IQCM: variants seen among roughly 807,000 people sequenced by gnomAD.
IQCM encodes IQ domain-containing protein M.
Under a neutral mutation model 57.6 loss-of-function variants are expected in IQCM, and 45 were observed. The ratio of observed to expected loss-of-function variants is 0.78; its 90% CI spans 0.62 to 1.00. The LOEUF (loss-of-function observed/expected upper bound fraction) is 1.00, where lower values mean the gene tolerates loss of function less well. IQCM is among the 50% of genes least tolerant of loss of function. The pLI, the probability that IQCM is intolerant of heterozygous loss-of-function variation, is 0.00. For synonymous variants in IQCM, 148 were observed against 158.9 expected, an observed-to-expected ratio of 0.93 and a Z score of 0.51; for missense variants, 468 against 511.6, an observed-to-expected ratio of 0.91 and a Z score of 0.82.
intron 12 of IQCM, among the ~76,000 whole-genome samples, chr4:149,480,074 T>C (rs1740614506): frequency 6.6e-6 from 1 of 152,212 alleles, no homozygotes; most frequent in Non-Finnish European, 1.5e-5. Flanking sequence ...TGTAAAATGT[T>C]TTCTCTTCAA....
chr4:149,681,012 T>C (rs993874158), intron 7 of IQCM, among the ~76,000 whole-genome samples: 1 of 151,236 alleles, frequency 6.6e-6, no homozygotes, highest in African/African-American at 2.4e-5. Flanking sequence ...AACTGACCCA[T>C]GTGAGGTGAA....
intron 13 of IQCM, among the ~76,000 whole-genome samples, chr4:149,406,876 G>A (rs953281687): frequency 2.4e-4 from 36 of 152,226 alleles, no homozygotes; most frequent in African/African-American, 8.7e-4. Flanking sequence ...AGAAAAACAG[G>A]TTTAATGGAC....
intron 2 of IQCM, among the ~76,000 whole-genome samples, chr4:149,779,441 C>T (rs1771398427): frequency 6.6e-6 from 1 of 152,054 alleles, no homozygotes; most frequent in Non-Finnish European, 1.5e-5. Flanking sequence ...CAGAGTAGAG[C>T]ACCCAGAAAT....
chr4:149,800,459 A>T (rs1442420283), intron 2 of IQCM, among the ~76,000 whole-genome samples: 1 of 151,966 alleles, frequency 6.6e-6, no homozygotes, highest in Non-Finnish European at 1.5e-5. Context: ...TACTTTCACC[A>T]CTGTTATTCA....
At chr4:149,383,001 A>G (rs1206068540) in intron 13 of IQCM, among the ~76,000 whole-genome samples, 1 of 151,870 alleles carries the variant, frequency 6.6e-6, no homozygotes, top group Non-Finnish European at 1.5e-5. Flanking sequence ...GCAAAAAAAA[A>G]AAAAAAAGAA....
chr4:149,627,298 C>A (rs1239569342), intron 7 of IQCM, among the ~76,000 whole-genome samples: 3 of 152,154 alleles, frequency 2.0e-5, no homozygotes, highest in African/African-American at 7.2e-5. Flanking sequence ...GGGAATTAGG[C>A]AGAGAACCAG....
chr4:149,519,865 C>T (rs1426350568), intron 12 of IQCM, among the ~76,000 whole-genome samples: 2 of 151,708 alleles, frequency 1.3e-5, no homozygotes, highest in Admixed American at 6.6e-5. Flanking sequence ...AATAGCTGGG[C>T]GTGGTGGCGG....
intron 12 of IQCM, among the ~76,000 whole-genome samples, chr4:149,501,029 A>C (rs930192537): frequency 6.6e-6 from 1 of 152,202 alleles, no homozygotes; most frequent in Admixed American, 6.5e-5. Flanking sequence ...TTGGAAGACA[A>C]AAATCTCTTT....
At chr4:149,466,274 A>G (rs1579152804) in intron 12 of IQCM, among the ~76,000 whole-genome samples, 1 of 152,180 alleles carries the variant, frequency 6.6e-6, no homozygotes, top group East Asian at 1.9e-4. Flanking sequence ...ATAGAACCCA[A>G]GAGACTTTCT....
chr4:149,433,718 C>T (rs1005427868), intron 12 of IQCM, among the ~76,000 whole-genome samples, 161 bp from the exon 13 acceptor site: 2 of 151,706 alleles, frequency 1.3e-5, no homozygotes, highest in Non-Finnish European at 2.9e-5. Flanking sequence ...CAAAAATCTT[C>T]TTGTTAATTC....
rs903772155 is a variant in IQCM at position 149,469,777 on chromosome 4, G to A, written c.1229-36220C>T. On this transcript the variant is annotated intron_variant, in intron 12 of 13. Transcript: ENST00000636793. ...CCATCAGACTAACAGCGGATCTCTC[G>A]GCAGAAACTCTACAAGCGAGAAGAG... Among the ~76,000 whole-genome samples, 7 of 152,118 alleles carry A rather than the reference G, an allele frequency of 4.6e-5. No individual in the cohort carries two copies. In the East Asian group the frequency reaches 5.8e-4, roughly 13 times the overall value.
At chr4:149,474,000 A>T (rs574987607) in intron 12 of IQCM, among the ~76,000 whole-genome samples, 2 of 152,156 alleles carry the variant, frequency 1.3e-5, no homozygotes, top group African/African-American at 4.8e-5. Flanking sequence ...GGGGAGGGAT[A>T]GTATTAGGAG....
chr4:149,474,171 A>C (rs1560886449), intron 12 of IQCM, among the ~76,000 whole-genome samples: 1 of 152,054 alleles, frequency 6.6e-6, no homozygotes, highest in Non-Finnish European at 1.5e-5. Context: ...AAAAGAAAGC[A>C]GTAACTATGA....
intron 9 of IQCM, among the ~76,000 whole-genome samples, chr4:149,584,418 T>A (rs1752477062): frequency 6.6e-6 from 1 of 151,672 alleles, no homozygotes; most frequent in Non-Finnish European, 1.5e-5. Context: ...ATGTTGAGCA[T>A]AGGTGTATAT....
At chr4:149,609,669 T>C (rs1755105558) in intron 8 of IQCM, among the ~76,000 whole-genome samples, 1 of 151,946 alleles carries the variant, frequency 6.6e-6, no homozygotes, top group Non-Finnish European at 1.5e-5. Context: ...GAGAAAGCAT[T>C]TGACAAAATT....
chr4:149,454,457 C>T (rs1260582203), intron 12 of IQCM, among the ~76,000 whole-genome samples: 3 of 151,624 alleles, frequency 2.0e-5, no homozygotes, highest in African/African-American at 7.3e-5. Flanking sequence ...GACACCAGGT[C>T]CTACTTTAGG....
chr4:149,598,112 G>T (rs1320344323), intron 8 of IQCM, among the ~76,000 whole-genome samples: 1 of 152,134 alleles, frequency 6.6e-6, no homozygotes, highest in Non-Finnish European at 1.5e-5. Context: ...TTTGCCAACT[G>T]ACCCTTACTA....
At chr4:149,566,547 G>C (rs2149946651) in intron 9 of IQCM, among the ~76,000 whole-genome samples, 2 of 152,150 alleles carry the variant, frequency 1.3e-5, no homozygotes, top group East Asian at 1.9e-4. Flanking sequence ...AAGTGACAAA[G>C]AAAGAGAGAC....
intron 9 of IQCM, among the ~76,000 whole-genome samples, chr4:149,582,677 G>T (rs992471511): frequency 1.5e-4 from 22 of 151,406 alleles, no homozygotes; most frequent in Non-Finnish European, 3.0e-4. Context: ...CTATAATTCT[G>T]CAAAGACAGA....
Sources: allele counts gnomAD v4.1 joint callset (sites outside exome capture counted in the v4.1 genomes callset), GRCh38; gene constraint gnomAD v4.1.1; transcripts MANE v1.5; gene names NCBI Gene and HGNC (gene_info 2026-07-23, HGNC 2026-07-21).